SH3TC2: variants seen among roughly 807,000 people sequenced by gnomAD.
The protein encoded by SH3TC2 is SH3 domain and tetratricopeptide repeat-containing protein 2.
Under a neutral mutation model 124.5 loss-of-function variants are expected in SH3TC2, and 87 were observed. The ratio of observed to expected loss-of-function variants is 0.70; its 90% CI spans 0.59 to 0.84. The LOEUF (loss-of-function observed/expected upper bound fraction) is 0.84. SH3TC2 is among the 40% of genes least tolerant of loss of function. The pLI, the probability that SH3TC2 is intolerant of heterozygous loss-of-function variation, is 0.00. For synonymous variants in SH3TC2, 634 were observed against 628.5 expected (o/e 1.01, Z -0.13); for missense variants, 1,536 against 1,566.4 (o/e 0.98, Z 0.33).
At chr5:149,060,044 C>T (rs745722873) in intron 1 of SH3TC2, among the ~76,000 whole-genome samples, 1 of 152,150 alleles carries the variant, frequency 6.6e-6, no homozygotes, top group Non-Finnish European at 1.5e-5. Context: ...AGCATTCACC[C>T]TTGATCTCCT....
chr5:148,997,373 T>C lies in SH3TC2; in HGVS notation c.*7338A>G, dbSNP rs954040416. ...AATTTGTTTTGACCAATCACTACTATAGGTCAAAGCTTTCTGTTCCTCCTT... is the reference window on the plus strand; with the variant it reads ...AATTTGTTTTGACCAATCACTACTACAGGTCAAAGCTTTCTGTTCCTCCTT... On this transcript the variant is annotated 3_prime_UTR_variant, in exon 17 of 17. Coordinates refer to ENST00000515425, the MANE Select transcript of SH3TC2 (RefSeq NM_024577.4). Among the ~76,000 whole-genome samples the C allele has an allele frequency of 1.3e-5, 2 of 152,232 alleles. No individual in the cohort carries two copies. The highest frequency in any genetic ancestry group is 4.8e-5 in the African/African-American group (2 of 41,462).
At position 149,004,883 on chromosome 5, in the gene SH3TC2, T is replaced by C. The variant is rs1333698190; in HGVS notation, c.3695A>G (p.Glu1232Gly). The change falls in exon 17 of 17, where the codon GAG (glutamate) becomes GGG (glycine). Residue 1232 changes from glutamate (E) to glycine (G), a missense_variant. By Grantham distance (98) the Glu-to-Gly change is moderately conservative (BLOSUM62 -2). Transcript: ENST00000515425. ...TGCTGCCAGGGCCAGAAGGAAGTAC[T>C]CAGTGGCATCATGGGCATCCTAACC... ...CQLKDAHDAT[E>G]YFLLALAAAV... is the part of the protein sequence containing the mutation. 1 of 1,614,078 alleles carries C rather than the reference T, an allele frequency of 6.2e-7. No homozygotes were observed. The highest frequency in any genetic ancestry group is 1.3e-5 in the African/African-American group (1 of 74,922).
rs1262840222 is a variant in SH3TC2, at chr5:148,984,087, TG to T, written c.*20623del. 6.6e-6 allele frequency among the ~76,000 whole-genome samples: 1 copy of T among 152,256 alleles called. No individual in the cohort carries two copies. Among genetic ancestry groups the T allele is most frequent in the Non-Finnish European group, 1.5e-5 (1 of 68,030 alleles). ...GAATATTGATATCACTTCCCAGATT[TG>T]GGACGTTTTCAGCTATTATTTCTTT... On this transcript the variant is annotated 3_prime_UTR_variant, in exon 17 of 17. Transcript: ENST00000515425.
intron 12 of SH3TC2, among the ~76,000 whole-genome samples, chr5:149,019,347 T>C (rs1580895395): frequency 1.3e-5 from 2 of 152,332 alleles, no homozygotes; most frequent in South Asian, 4.1e-4. Flanking sequence ...TAAATAAATA[T>C]AGCATTACAG....
At chr5:149,041,166 C>T (rs1754364919) in intron 6 of SH3TC2, among the ~76,000 whole-genome samples, 1 of 152,136 alleles carries the variant, frequency 6.6e-6, no homozygotes, top group Non-Finnish European at 1.5e-5. Context: ...ACTACATTGG[C>T]GGTCGTGTGG....
chr5:149,050,064 C>A (rs927112560), intron 2 of SH3TC2, among the ~76,000 whole-genome samples: 1 of 152,196 alleles, frequency 6.6e-6, no homozygotes, highest in Non-Finnish European at 1.5e-5. Context: ...TGCTGACTGA[C>A]AAACAGGGCA....
intron 9 of SH3TC2, among the ~76,000 whole-genome samples, chr5:149,030,355 C>G (rs949556065): frequency 4.6e-5 from 7 of 152,210 alleles, no homozygotes; most frequent in Non-Finnish European, 1.5e-5. Context: ...GACTGCACGC[C>G]GCAGAGCTGC....
At chr5:149,062,879 G>GAA in intron 1 of SH3TC2, 92 bp downstream of exon 1, 5 of 1,251,896 alleles carry the variant, frequency 4.0e-6, no homozygotes, top group Non-Finnish European at 5.7e-6. Context: ...ATCTTTGGGA[G>GAA]AAAAGTTTCT....
chr5:149,016,009 C>T (rs1324820283), intron 12 of SH3TC2, among the ~76,000 whole-genome samples: 4 of 152,114 alleles, frequency 2.6e-5, no homozygotes, highest in Non-Finnish European at 5.9e-5. Context: ...TCTAAGTTTT[C>T]CTGCACATTT....
In SH3TC2 at chr5:149,001,546, C is replaced by T. The variant is rs886060179; in HGVS notation, c.*3165G>A. 6.6e-6 allele frequency: 1 copy of T among 152,066 alleles called. No individual in the cohort carries two copies. Among genetic ancestry groups the T allele is most frequent in the East Asian group, 1.9e-4 (1 of 5,194 alleles). 9.4% of individuals were successfully genotyped at this position (152,066 alleles called of 1,614,324 possible). ...CTCTCTGTGGATCATGAAAAAAAGA[C>T]AGCATCAACATGTTTCCAAAGGGAA... On this transcript the variant is annotated 3_prime_UTR_variant, in exon 17 of 17. Coordinates refer to ENST00000515425, the MANE Select transcript of SH3TC2 (RefSeq NM_024577.4).
At chr5:149,009,911 T>C (rs1436088874) in intron 14 of SH3TC2, among the ~76,000 whole-genome samples, 2 of 152,094 alleles carry the variant, frequency 1.3e-5, no homozygotes, top group Admixed American at 6.6e-5. Context: ...TTAAATAATC[T>C]CCCACCACAC....
At chr5:149,005,413 C>T (rs1378377934) in intron 16 of SH3TC2, among the ~76,000 whole-genome samples, 1 of 152,234 alleles carries the variant, frequency 6.6e-6, no homozygotes, top group Admixed American at 6.5e-5. Context: ...GATTGAGAAA[C>T]AGGATCCAGA....
intron 5 of SH3TC2, 76 bp from the exon 6 acceptor site, chr5:149,041,693 C>T: frequency 1.3e-6 from 2 of 1,503,128 alleles, no homozygotes; most frequent in Admixed American, 1.7e-5. Flanking sequence ...CAAAGTAATG[C>T]TTCTATTCAG....
chr5:149,010,158 A>T, intron 14 of SH3TC2, 112 bp downstream of exon 14: 2 of 1,481,184 alleles, frequency 1.4e-6, no homozygotes, highest in Non-Finnish European at 1.9e-6. Flanking sequence ...GAAAGAGAGA[A>T]AAATGAAATA....
At position 148,985,301 on chromosome 5, in the gene SH3TC2, T is replaced by G. The variant is rs2127386948; in HGVS notation, c.*19410A>C. Among the ~76,000 whole-genome samples, 1 of 152,314 alleles carries G rather than the reference T, an allele frequency of 6.6e-6. No homozygotes were observed. Among genetic ancestry groups the G allele is most frequent in the South Asian group, 2.1e-4 (1 of 4,834 alleles). ...ACAGAGTTCTATGAGTTTTGGCAAATGCATTCAATGCCATCACTACTACAA... is the reference window on the plus strand; with the variant it reads ...ACAGAGTTCTATGAGTTTTGGCAAAGGCATTCAATGCCATCACTACTACAA... On this transcript the variant is annotated 3_prime_UTR_variant, in exon 17 of 17. Coordinates refer to ENST00000515425, the MANE Select transcript of SH3TC2 (RefSeq NM_024577.4).
Position 149,042,776 on chromosome 5 carries a change from T to C in SH3TC2, c.447A>G (p.Ile149Met). The change falls in exon 5 of 17, where the codon ATA becomes ATG. Residue 149 changes from isoleucine (I) to methionine (M), a missense_variant. Transcript: ENST00000515425. The part of the protein sequence containing the change: ...LFDHKYWLNC[I>M]LVEDTEIQVS... The stretch of plus-strand genomic sequence containing the variant: ...CTTGGATCTCTGTATCCTCCACCAA[T>C]ATGCAGTTGAGCCAGTACTTGTGGT... The C allele has an allele frequency of 2.5e-6, 4 of 1,614,160 alleles. No homozygotes were observed. The East Asian group carries it at 6.7e-5, about 27-fold the overall frequency.
chr5:149,036,622 C>A (rs542453602), intron 8 of SH3TC2, among the ~76,000 whole-genome samples: 1 of 152,262 alleles, frequency 6.6e-6, no homozygotes, highest in African/African-American at 2.4e-5. Context: ...TTCTAAAGTT[C>A]CAGAGGGAAG....
At chr5:149,060,776 T>C (rs1754733364) in intron 1 of SH3TC2, among the ~76,000 whole-genome samples, 1 of 152,178 alleles carries the variant, frequency 6.6e-6, no homozygotes, top group Admixed American at 6.5e-5. Context: ...GACCTTGTGC[T>C]AAGTCCATGA....
rs1202152891 is a variant in SH3TC2, at chr5:148,982,397, C to T, written c.*22314G>A. Among the ~76,000 whole-genome samples the T allele has an allele frequency of 1.3e-5, 2 of 152,146 alleles. No homozygotes were observed. Among genetic ancestry groups the T allele is most frequent in the Non-Finnish European group, 2.9e-5 (2 of 68,036 alleles). The stretch of plus-strand genomic sequence containing the variant: ...GCTATTTCACTTTTGTGGAATTTTT[C>T]CTACATATATAATCACAATCACATG... On this transcript the variant is annotated 3_prime_UTR_variant, in exon 17 of 17. Transcript: ENST00000515425.
Sources: gnomAD v4.1 joint callset for allele counts (sites outside exome capture counted in the v4.1 genomes callset) on GRCh38, gnomAD v4.1.1 for gene constraint, MANE v1.5 for transcripts, NCBI Gene and HGNC (gene_info 2026-07-23, HGNC 2026-07-21) for gene names.